The following TRPM3 variants were observed in gnomAD, a reference collection of about 807,000 sequenced individuals.
TRPM3 encodes transient receptor potential cation channel subfamily M member 3.
TRPM3 carries 77 observed loss-of-function variants against 181.2 expected under a neutral mutation model. The ratio of observed to expected loss-of-function variants is 0.42; its 90% CI spans 0.35 to 0.51. The LOEUF (loss-of-function observed/expected upper bound fraction) is 0.51. Among genes scored for constraint, TRPM3 ranks in the 20% least tolerant of loss-of-function variants. The probability of loss-of-function intolerance (pLI) is 0.01; values close to 1 mark genes in which losing one functional copy is unlikely to be tolerated. For synonymous variants in TRPM3, 745 were observed against 796.4 expected (o/e 0.94, Z 1.09); for missense variants, 1,759 against 2,196.7 (o/e 0.80, Z 3.98).
At chr9:71,317,552 G>C (rs1402107988) in intron 1 of TRPM3, among the ~76,000 whole-genome samples, 2 of 151,552 alleles carry the variant, frequency 1.3e-5, no homozygotes, top group East Asian at 3.9e-4. Context: ...GAGGTGGGAG[G>C]ATTGTTTGAG....
chr9:70,868,692 G>A (rs2095712280), intron 1 of TRPM3, among the ~76,000 whole-genome samples: 1 of 151,956 alleles, frequency 6.6e-6, no homozygotes, highest in African/African-American at 2.4e-5. Context: ...CTTAACAGAA[G>A]GACAACCACT....
intron 1 of TRPM3, among the ~76,000 whole-genome samples, chr9:71,381,760 A>G (rs1340784390): frequency 2.0e-5 from 3 of 152,120 alleles, no homozygotes; most frequent in Admixed American, 6.6e-5. Flanking sequence ...ACAATTCACA[A>G]CACTACACCA....
At chr9:71,302,218 TA>T (rs1326105751) in intron 1 of TRPM3, among the ~76,000 whole-genome samples, 1 of 152,152 alleles carries the variant, frequency 6.6e-6, no homozygotes. Flanking sequence ...TCACACAGAA[TA>T]AAAGTTATTG....
chr9:71,099,882 T>C (rs905460068), intron 1 of TRPM3, among the ~76,000 whole-genome samples: 6 of 152,160 alleles, frequency 3.9e-5, no homozygotes, highest in Non-Finnish European at 8.8e-5. Context: ...TCAGCAGTTA[T>C]TGAGATGAGA....
intron 1 of TRPM3, among the ~76,000 whole-genome samples, chr9:71,405,428 T>A (rs917819795): frequency 6.6e-6 from 1 of 152,202 alleles, no homozygotes; most frequent in African/African-American, 2.4e-5. Context: ...CCAGAAGATA[T>A]TTTTAATACC....
chr9:71,114,918 T>C (rs1800894308), intron 1 of TRPM3, among the ~76,000 whole-genome samples: 1 of 152,046 alleles, frequency 6.6e-6, no homozygotes, highest in African/African-American at 2.4e-5. Flanking sequence ...ATCACGTGAC[T>C]AAAAATTTTC....
At chr9:70,982,044 T>C (rs1181998004) in intron 1 of TRPM3, among the ~76,000 whole-genome samples, 1 of 152,184 alleles carries the variant, frequency 6.6e-6, no homozygotes, top group African/African-American at 2.4e-5. Context: ...ACTGGGCCTA[T>C]GTCATCACCT....
At chr9:70,777,442 A>G (rs1221599847) in intron 7 of TRPM3, among the ~76,000 whole-genome samples, 1 of 152,080 alleles carries the variant, frequency 6.6e-6, no homozygotes, top group Non-Finnish European at 1.5e-5. Context: ...TCCCATGTTG[A>G]CACAACATGA....
At chr9:70,701,924 T>G (rs1447220603) in intron 8 of TRPM3, among the ~76,000 whole-genome samples, 1 of 145,644 alleles carries the variant, frequency 6.9e-6, no homozygotes, top group Non-Finnish European at 1.5e-5. Context: ...AACACAGATT[T>G]AAAAAGGTAG....
intron 1 of TRPM3, among the ~76,000 whole-genome samples, chr9:71,015,793 G>A (rs1261499965): frequency 1.3e-5 from 2 of 152,088 alleles, no homozygotes; most frequent in Admixed American, 1.3e-4. Flanking sequence ...ATTTTGGATA[G>A]ATTTTTGTTT....
At chr9:70,749,425 T>C (rs563712573) in intron 8 of TRPM3, among the ~76,000 whole-genome samples, 2 of 152,304 alleles carry the variant, frequency 1.3e-5, no homozygotes, top group African/African-American at 4.8e-5. Flanking sequence ...ACTTAAATTA[T>C]GATTAGAAAG....
intron 16 of TRPM3, among the ~76,000 whole-genome samples, chr9:70,619,393 T>G (rs958693422): frequency 2.8e-5 from 4 of 144,912 alleles, no homozygotes; most frequent in African/African-American, 1.0e-4. Context: ...GTACAGTATG[T>G]CATCGTCGTC....
At chr9:71,103,317 A>T (rs1021284994) in intron 1 of TRPM3, among the ~76,000 whole-genome samples, 1 of 152,174 alleles carries the variant, frequency 6.6e-6, no homozygotes, top group Non-Finnish European at 1.5e-5. Context: ...GGAAAAATTG[A>T]AAGAGGAACC....
intron 1 of TRPM3, among the ~76,000 whole-genome samples, chr9:71,156,449 T>C (rs1301528151): frequency 6.9e-6 from 1 of 145,724 alleles, no homozygotes; most frequent in Non-Finnish European, 1.5e-5. Flanking sequence ...TGGTAAATAA[T>C]AACTGATCAG....
chr9:70,785,927 TG>T (rs1402719396), intron 6 of TRPM3, among the ~76,000 whole-genome samples: 1 of 152,128 alleles, frequency 6.6e-6, no homozygotes, highest in African/African-American at 2.4e-5. Context: ...TAGAGGGAAC[TG>T]GGAGAGACAA....
chr9:70,754,805 C>T (rs62544536), intron 8 of TRPM3, among the ~76,000 whole-genome samples: 7,382 of 152,154 alleles, frequency 0.049, 230 homozygotes, highest in South Asian at 0.11. Context: ...AACTCTATGA[C>T]GATGCAATGC....
chr9:70,862,245 C>A (rs1339838836), intron 3 of TRPM3, among the ~76,000 whole-genome samples: 1 of 152,094 alleles, frequency 6.6e-6, no homozygotes, highest in Admixed American at 6.6e-5. Flanking sequence ...ATTCTGTCAG[C>A]TAACTAGGAA....
intron 1 of TRPM3, among the ~76,000 whole-genome samples, chr9:71,331,870 G>A (rs1180569161): frequency 2.1e-3 from 2 of 952 alleles, no homozygotes; most frequent in Non-Finnish European, 4.1e-3. Flanking sequence ...CGGAGGAGGA[G>A]GAAGAAAGAG....
upstream of TRPM3, among the ~76,000 whole-genome samples, chr9:71,126,057 C>T (rs933353967): frequency 1.3e-5 from 2 of 152,088 alleles, no homozygotes; most frequent in African/African-American, 4.8e-5. Context: ...AGAAAGGGGG[C>T]AAAGGACATG....
Sources: gnomAD v4.1 joint callset for allele counts (sites outside exome capture counted in the v4.1 genomes callset) on GRCh38, gnomAD v4.1.1 for gene constraint, MANE v1.5 for transcripts, NCBI Gene and HGNC (gene_info 2026-07-23, HGNC 2026-07-21) for gene names.